TIAM2: variants seen among roughly 807,000 people sequenced by gnomAD.
The protein encoded by TIAM2 is rho guanine nucleotide exchange factor TIAM2.
Under a neutral mutation model 152.9 loss-of-function variants are expected in TIAM2, and 80 were observed. That is an observed-to-expected ratio of 0.52 (90% CI 0.44 to 0.63). The LOEUF (loss-of-function observed/expected upper bound fraction) is 0.63, where lower values mean the gene tolerates loss of function less well. Ranked by LOEUF, TIAM2 falls within the 30% of genes least tolerant of loss-of-function variation. TIAM2 has a pLI of 0.00. For missense variants in TIAM2, 1,965 were observed against 2,120.1 expected, an observed-to-expected ratio of 0.93 and a Z score of 1.44; for synonymous variants, 804 against 838.0, an observed-to-expected ratio of 0.96 and a Z score of 0.70.
chr6:155,179,044 G>A lies in TIAM2; in HGVS notation c.2529G>A (p.Arg843=). 1.2e-6 allele frequency: 2 copies of A among 1,611,510 alleles called. No homozygotes were observed. Among genetic ancestry groups the A allele is most frequent in the Non-Finnish European group, 1.7e-6 (2 of 1,178,748 alleles). The change falls in exon 11 of 27, where the codon AGG becomes AGA. Residue 843 remains arginine, a synonymous_variant. Transcript: ENST00000682666. ...EDILTLACKM[R]QLEPSHYGLQ... Reference sequence around the variant, plus strand: ...AACTGTCTTTTTCTTTATAGATGAGGCAGTTGGAACCCAGCCATTATGGCC... The same window carrying A: ...AACTGTCTTTTTCTTTATAGATGAGACAGTTGGAACCCAGCCATTATGGCC...
At chr6:155,001,168 G>A (rs1468115320) in intron 1 of TIAM2, among the ~76,000 whole-genome samples, 3 of 152,240 alleles carry the variant, frequency 2.0e-5, no homozygotes, top group Non-Finnish European at 2.9e-5. Flanking sequence ...AGTGGACTTG[G>A]TGACTGAGAA....
At chr6:155,012,589 A>C (rs1407116672) in intron 1 of TIAM2, among the ~76,000 whole-genome samples, 3 of 152,084 alleles carry the variant, frequency 2.0e-5, no homozygotes, top group African/African-American at 7.2e-5. Flanking sequence ...CTCACTCTGT[A>C]GCCCAGGCTG....
At chr6:155,255,041 C>A (rs1783912014) in intron 26 of TIAM2, 1 of 156,238 alleles carries the variant, frequency 6.4e-6, no homozygotes, top group Non-Finnish European at 1.4e-5. Context: ...AGTACCCAGA[C>A]AACCATTCTG....
At chr6:155,082,371 C>A (rs980307402) in intron 1 of TIAM2, among the ~76,000 whole-genome samples, 1 of 151,888 alleles carries the variant, frequency 6.6e-6, no homozygotes, top group Non-Finnish European at 1.5e-5. Context: ...ATAAAATAGG[C>A]CAGGCACTGT....
At chr6:155,249,107 C>G (rs917598741) in intron 20 of TIAM2, among the ~76,000 whole-genome samples, 2 of 152,158 alleles carry the variant, frequency 1.3e-5, no homozygotes, top group African/African-American at 4.8e-5. Flanking sequence ...ATTTAAAAAA[C>G]TTCCTTCCAA....
Position 154,995,984 on chromosome 6 carries a change from G to A in TIAM2, c.-209+492G>A, listed in dbSNP as rs1778205292. Among the ~76,000 whole-genome samples the A allele has an allele frequency of 6.6e-6, 1 of 152,174 alleles. No individual in the cohort carries two copies. The highest frequency in any genetic ancestry group is 2.4e-5 in the African/African-American group (1 of 41,458). On this transcript the variant is annotated intron_variant, in intron 1 of 26. Coordinates refer to ENST00000682666, the MANE Select transcript of TIAM2 (RefSeq NM_012454.4). The surrounding 1 kb of genome is among the most constrained non-coding windows in gnomAD (Gnocchi z 5.2). Reference sequence around the variant, plus strand: ...GGCGAAGCAGGATCCCAGGCGGTCGGCTCAGCGAGTGTAGACCGTGCGGTC... The same window carrying A: ...GGCGAAGCAGGATCCCAGGCGGTCGACTCAGCGAGTGTAGACCGTGCGGTC...
At chr6:155,256,310 A>G (rs937596134) in intron 26 of TIAM2, 174 bp from the exon 27 acceptor site, 2 of 933,948 alleles carry the variant, frequency 2.1e-6, no homozygotes, top group African/African-American at 3.3e-5. Flanking sequence ...CTAAGTCAAA[A>G]ATGTCCATGT....
chr6:155,085,658 A>G (rs1199037909), intron 1 of TIAM2, among the ~76,000 whole-genome samples: 1 of 152,240 alleles, frequency 6.6e-6, no homozygotes, highest in Non-Finnish European at 1.5e-5. Context: ...CTGTAAAAAT[A>G]AAACCACTTT....
rs369323061 is a variant in TIAM2 at position 155,045,957 on chromosome 6, G to A, written c.-208-44332G>A. On this transcript the variant is annotated intron_variant, in intron 1 of 26. Transcript: ENST00000682666. ...TTCTGTTTTAATGAGGAAGAGGAGG[G>A]GCGGGCGGGAGGTAGCAGGGGAGAG... Among the ~76,000 whole-genome samples the A allele has an allele frequency of 3.2e-3, 487 of 150,300 alleles. 4 individuals are homozygous for A. The highest frequency in any genetic ancestry group is 0.013 in the South Asian group (60 of 4,770).
chr6:155,063,773 C>G (rs1378650388), intron 1 of TIAM2, among the ~76,000 whole-genome samples: 1 of 106,286 alleles, frequency 9.4e-6, no homozygotes, highest in South Asian at 3.2e-4. Flanking sequence ...CAGAGTGAGA[C>G]TCTGTCTCAA....
rs1260602529 is a variant in TIAM2, at chr6:155,213,171, T to C, written c.3168+1864T>C. Among the ~76,000 whole-genome samples the C allele has an allele frequency of 6.6e-6, 1 of 152,114 alleles. No individual in the cohort carries two copies. The highest frequency in any genetic ancestry group is 1.5e-5 in the Non-Finnish European group (1 of 68,034). ...TGTTGTAGCTCTTTCAGCCCTGCCGTTAGGCAGGTCCCGAATTCTTGTCCC... is the reference window on the plus strand; with the variant it reads ...TGTTGTAGCTCTTTCAGCCCTGCCGCTAGGCAGGTCCCGAATTCTTGTCCC... On this transcript the variant is annotated intron_variant, in intron 15 of 26. Transcript: ENST00000682666. The surrounding 1 kb of genome is among the most constrained non-coding windows in gnomAD (Gnocchi z 4.2).
chr6:155,049,455 C>T lies in TIAM2; in HGVS notation c.-208-40834C>T, dbSNP rs563647629. ...TTAGTCTCTGTTTTCCTAATTTTTG[C>T]CCACTGAGTTGCCAAGCTTGCTCAT... is the stretch of plus-strand genomic sequence containing the variant. On this transcript the variant is annotated intron_variant, in intron 1 of 26. Coordinates refer to ENST00000682666, the MANE Select transcript of TIAM2 (RefSeq NM_012454.4). Among the ~76,000 whole-genome samples, 202 of 152,212 alleles carry T rather than the reference C, an allele frequency of 1.3e-3. 1 individual carries two copies. The highest frequency in any genetic ancestry group is 4.6e-3 in the African/African-American group (191 of 41,538).
chr6:155,066,922 A>AT (rs1464384295), intron 1 of TIAM2, among the ~76,000 whole-genome samples: 1 of 152,014 alleles, frequency 6.6e-6, no homozygotes, highest in Non-Finnish European at 1.5e-5. Flanking sequence ...CGCCTGGCTA[A>AT]TTTTTTGTAT....
In TIAM2 at chr6:155,127,565, C is replaced by T; in HGVS notation, c.-42C>T. The T allele has an allele frequency of 2.2e-6, 1 of 456,020 alleles. No individual in the cohort carries two copies. The highest frequency in any genetic ancestry group is 1.5e-5 in the South Asian group (1 of 64,556). 28.2% of individuals were successfully genotyped at this position (456,020 alleles called of 1,614,324 possible). A position where few individuals can be genotyped will look rare whatever the true frequency, so the allele number is the denominator to read the frequency against. Reference sequence around the variant, plus strand: ...CCCAAGACCATGTAAAGCCTACTGACCACTAACCTCCCTCACAGCAGAAAC... The same window carrying T: ...CCCAAGACCATGTAAAGCCTACTGATCACTAACCTCCCTCACAGCAGAAAC... On this transcript the variant is annotated 5_prime_UTR_variant, in exon 3 of 27. Transcript: ENST00000682666.
intron 1 of TIAM2, among the ~76,000 whole-genome samples, chr6:155,023,822 G>A (rs1333851881): frequency 1.3e-5 from 2 of 152,266 alleles, no homozygotes; most frequent in East Asian, 1.9e-4. Context: ...TTGTTGAGCC[G>A]CAGATGGTTG....
chr6:155,240,690 CAG>C lies in TIAM2; in HGVS notation c.3333_3334del (p.Lys1112ValfsTer11). On this transcript the variant is annotated frameshift_variant, in exon 16 of 27. Coordinates refer to ENST00000682666, the MANE Select transcript of TIAM2 (RefSeq NM_012454.4). LOFTEE classifies it high-confidence loss of function. ...AAAGTCATCCAGGAGCTTGTGGACA[CAG>C]AGAAGTCCTACGTGAAGGTAAGGGA... The C allele has an allele frequency of 6.2e-7, 1 of 1,612,636 alleles. No individual in the cohort carries two copies. The highest frequency in any genetic ancestry group is 8.5e-7 in the Non-Finnish European group (1 of 1,179,664).
At chr6:155,128,798 C>T (rs371787147) in intron 3 of TIAM2, among the ~76,000 whole-genome samples, 133 of 151,654 alleles carry the variant, frequency 8.8e-4, no homozygotes, top group African/African-American at 2.5e-3. Flanking sequence ...CCTAGGAAGT[C>T]GAGGCTGCAG....
At chr6:155,020,422 T>C (rs1776452287) in intron 1 of TIAM2, among the ~76,000 whole-genome samples, 1 of 152,152 alleles carries the variant, frequency 6.6e-6, no homozygotes, top group Admixed American at 6.5e-5. Flanking sequence ...TTAAAAAATA[T>C]GGTAAAATTA....
At chr6:155,060,134 G>A (rs1777540999) in intron 1 of TIAM2, among the ~76,000 whole-genome samples, 1 of 152,114 alleles carries the variant, frequency 6.6e-6, no homozygotes, top group Admixed American at 6.6e-5. Context: ...GCTGGGTGCG[G>A]TGCTTACGCC....
Sources: allele counts gnomAD v4.1 joint callset (sites outside exome capture counted in the v4.1 genomes callset), GRCh38; gene constraint gnomAD v4.1.1; non-coding constraint Gnocchi (gnomAD v3.1); transcripts MANE v1.5; gene names NCBI Gene and HGNC (gene_info 2026-07-23, HGNC 2026-07-21).